The following BNIP3 variants were observed in gnomAD, a reference collection of about 807,000 sequenced individuals.
BNIP3 encodes the protein BCL2 interacting protein 3.
In BNIP3, 16 loss-of-function variants were observed where a neutral mutation model predicts 23.9. The ratio of observed to expected loss-of-function variants is 0.67; its 90% CI spans 0.45 to 1.01. BNIP3 has a LOEUF of 1.01. Among genes scored for constraint, BNIP3 ranks in the 50% least tolerant of loss-of-function variants. The pLI is 0.00. For synonymous variants in BNIP3, 81 were observed against 89.3 expected (o/e 0.91, Z 0.53); for missense variants, 198 against 248.7 (o/e 0.80, Z 1.37).
At chr10:131,971,163 C>G in intron 3 of BNIP3, 193 bp from the exon 4 acceptor site, 2 of 593,396 alleles carry the variant, frequency 3.4e-6, no homozygotes, top group Non-Finnish European at 6.0e-6. Context: ...ACTCCCGGCT[C>G]ACAGCACGCT....
rs2036986683 is a variant in BNIP3, at chr10:131,967,986, T to C, written c.*538A>G. 1 of 152,720 alleles carries C rather than the reference T, an allele frequency of 6.5e-6. No individual in the cohort carries two copies. Among genetic ancestry groups the C allele is most frequent in the Non-Finnish European group, 1.5e-5 (1 of 68,432 alleles). 9.5% of individuals were successfully genotyped at this position (152,720 alleles called of 1,614,324 possible). On this transcript the variant is annotated 3_prime_UTR_variant, in exon 6 of 6. Coordinates refer to ENST00000368636, the MANE Select transcript of BNIP3 (RefSeq NM_004052.4). ...GTTTGTAGCTCTATCTTGGTTTCTGTTGATTATGAACAATTAGCATAGTTA... is the reference window on the plus strand; with the variant it reads ...GTTTGTAGCTCTATCTTGGTTTCTGCTGATTATGAACAATTAGCATAGTTA...
intron 3 of BNIP3, 53 bp downstream of exon 3, chr10:131,972,981 G>A (rs1373528048): frequency 1.9e-6 from 3 of 1,554,130 alleles, no homozygotes; most frequent in Non-Finnish European, 1.8e-6. Flanking sequence ...ACCGTTTCCT[G>A]TACAAACAGA....
At chr10:131,974,015 C>A in intron 1 of BNIP3, 72 bp from the exon 2 acceptor site, 2 of 1,579,108 alleles carry the variant, frequency 1.3e-6, no homozygotes, top group South Asian at 2.3e-5. Flanking sequence ...GATATCTAAC[C>A]AGCCTGCCCT....
intron 3 of BNIP3, chr10:131,971,228 C>T: frequency 4.1e-6 from 2 of 491,578 alleles, no homozygotes; most frequent in Non-Finnish European, 7.4e-6. Context: ...GGCGTAAATA[C>T]ATTTGGTTCA....
In BNIP3 at chr10:131,975,347, G is replaced by A. The variant is rs2037071813; in HGVS notation, c.47-1404C>T. Among the ~76,000 whole-genome samples the A allele has an allele frequency of 2.6e-5, 4 of 152,328 alleles. 1 individual carries two copies. The South Asian group carries it at 8.3e-4, about 32-fold the overall frequency. Reference sequence around the variant, plus strand: ...TATTTATTTAAAGCAAATCTGGTAGGAGCTTCCTCTGGTAGCGTATGGAGG... The same window carrying A: ...TATTTATTTAAAGCAAATCTGGTAGAAGCTTCCTCTGGTAGCGTATGGAGG... On this transcript the variant is annotated intron_variant, in intron 1 of 5. Transcript: ENST00000368636.
In BNIP3 at chr10:131,967,686, T is replaced by C. The variant is rs781824927; in HGVS notation, c.*838A>G. 5.2e-5 allele frequency: 8 copies of C among 152,664 alleles called. No individual in the cohort carries two copies. Among genetic ancestry groups the C allele is most frequent in the Non-Finnish European group, 8.8e-5 (6 of 68,046 alleles). 9.5% of individuals were successfully genotyped at this position (152,664 alleles called of 1,614,324 possible). The stretch of plus-strand genomic sequence containing the variant: ...TAAACCATATGTAAATACAGTAATC[T>C]GAAGGATTTGGCAAAGATTTATTTT... On this transcript the variant is annotated 3_prime_UTR_variant, in exon 6 of 6. Coordinates refer to ENST00000368636, the MANE Select transcript of BNIP3 (RefSeq NM_004052.4).
At position 131,976,865 on chromosome 10, in the gene BNIP3, C is replaced by T. The variant is rs1261181132; in HGVS notation, c.47-2922G>A. 2.0e-5 allele frequency among the ~76,000 whole-genome samples: 3 copies of T among 152,178 alleles called. No homozygotes were observed. In the East Asian group the frequency reaches 5.8e-4, roughly 29 times the overall value. On this transcript the variant is annotated intron_variant, in intron 1 of 5. Coordinates refer to ENST00000368636, the MANE Select transcript of BNIP3 (RefSeq NM_004052.4). This position sits in a 1 kb window ranked among gnomAD's most constrained non-coding sequence, Gnocchi z 4.3. ...ACACCAAAAATGGTTAACCAAGGAG[C>T]ACTTTTGGAGTACACTGCTAATAGG... is the stretch of plus-strand genomic sequence containing the variant.
chr10:131,979,855 G>C (rs1278611386), intron 1 of BNIP3, among the ~76,000 whole-genome samples: 1 of 152,250 alleles, frequency 6.6e-6, no homozygotes, highest in Non-Finnish European at 1.5e-5. Context: ...GGGTCTGGCT[G>C]CAAGGCTCCC....
At chr10:131,972,414 C>T (rs1472876801) in intron 3 of BNIP3, among the ~76,000 whole-genome samples, 1 of 152,192 alleles carries the variant, frequency 6.6e-6, no homozygotes, top group African/African-American at 2.4e-5. Flanking sequence ...AAAAAGTGAT[C>T]TTACACTAAA....
At position 131,981,885 on chromosome 10, in the gene BNIP3, G is replaced by T. The variant is rs531796008; in HGVS notation, c.-79C>A. On this transcript the variant is annotated 5_prime_UTR_variant, in exon 1 of 6. Coordinates refer to ENST00000368636, the MANE Select transcript of BNIP3 (RefSeq NM_004052.4). ...CTTCAGCTGCGGGCGGTGGGAAAGC[G>T]GAGGTCGGAGCGCCGCGGCCCAGCT... 2.7e-4 allele frequency: 364 copies of T among 1,365,138 alleles called. 4 individuals carry two copies. The African/African-American group carries it at 4.6e-3, about 17-fold the overall frequency. 84.6% of individuals were successfully genotyped at this position (1,365,138 alleles called of 1,614,324 possible).
chr10:131,972,038 A>AGT (rs72515748), intron 3 of BNIP3, among the ~76,000 whole-genome samples: 1 of 74,578 alleles, frequency 1.3e-5, no homozygotes, highest in Non-Finnish European at 2.6e-5. Context: ...CCAAGAAAAC[A>AGT]CATCGCGCAT....
chr10:131,978,151 G>C (rs928887239), intron 1 of BNIP3, among the ~76,000 whole-genome samples: 2 of 151,908 alleles, frequency 1.3e-5, no homozygotes, highest in Non-Finnish European at 2.9e-5. Context: ...ATCTCATTTC[G>C]CGTCCCTCTC....
At chr10:131,973,667 C>A in intron 2 of BNIP3, 126 bp downstream of exon 2, 1 of 1,362,822 alleles carries the variant, frequency 7.3e-7, no homozygotes, top group East Asian at 2.3e-5. Flanking sequence ...AGGAGCCAGT[C>A]CAGAACGCGG....
intron 1 of BNIP3, among the ~76,000 whole-genome samples, chr10:131,979,938 C>T (rs2037106244): frequency 6.6e-6 from 1 of 152,218 alleles, no homozygotes; most frequent in Non-Finnish European, 1.5e-5. Flanking sequence ...CCTGAGCCAC[C>T]GCTCCGTCCC....
In BNIP3 at chr10:131,968,431, G is replaced by A. The variant is rs560138447; in HGVS notation, c.*93C>T. The A allele has an allele frequency of 2.3e-5, 24 of 1,030,326 alleles. No individual in the cohort carries two copies. The highest frequency in any genetic ancestry group is 1.3e-4 in the Admixed American group (7 of 54,344). 63.8% of individuals were successfully genotyped at this position (1,030,326 alleles called of 1,614,324 possible). ...TACAGAACAAATAAACACAAGTGAC[G>A]TGGCCACCCCAGGATCTAACAGCTC... On this transcript the variant is annotated 3_prime_UTR_variant, in exon 6 of 6. Transcript: ENST00000368636.
intron 1 of BNIP3, among the ~76,000 whole-genome samples, chr10:131,974,683 A>G (rs552662835): frequency 3.5e-4 from 54 of 152,326 alleles, no homozygotes; most frequent in African/African-American, 1.2e-3. Flanking sequence ...CCCAGCCTCT[A>G]TGACTTGCAT....
At chr10:131,972,387 CTT>C (rs2037043090) in intron 3 of BNIP3, among the ~76,000 whole-genome samples, 1 of 152,134 alleles carries the variant, frequency 6.6e-6, no homozygotes, top group African/African-American at 2.4e-5. Flanking sequence ...ACAAAAAAAA[CTT>C]TTTTAAAAAA....
At chr10:131,979,226 T>C (rs1201027610) in intron 1 of BNIP3, among the ~76,000 whole-genome samples, 3 of 152,238 alleles carry the variant, frequency 2.0e-5, no homozygotes, top group Non-Finnish European at 4.4e-5. Context: ...ATCTATGAAA[T>C]GCAAGTCTTG....
intron 1 of BNIP3, 108 bp from the exon 2 acceptor site, chr10:131,974,051 GCCAC>G: frequency 7.1e-7 from 1 of 1,407,074 alleles, no homozygotes; most frequent in Non-Finnish European, 9.8e-7. Context: ...TAGCAATGGT[GCCAC>G]ACCAGGAACC....
Sources: gnomAD v4.1 joint callset for allele counts (sites outside exome capture counted in the v4.1 genomes callset) on GRCh38, gnomAD v4.1.1 for gene constraint, Gnocchi (gnomAD v3.1) non-coding constraint, MANE v1.5 for transcripts, NCBI Gene and HGNC (gene_info 2026-07-23, HGNC 2026-07-21) for gene names.